CENPF: variants seen among roughly 807,000 people sequenced by gnomAD.
The protein encoded by CENPF is centromere protein F.
Under a neutral mutation model 307.3 loss-of-function variants are expected in CENPF, and 214 were observed. The observed-to-expected ratio is 0.70, with a 90% confidence interval of 0.62 to 0.78. CENPF has a LOEUF of 0.78. Ranked by LOEUF, CENPF falls within the 30% of genes least tolerant of loss-of-function variation. The pLI, the probability that CENPF is intolerant of heterozygous loss-of-function variation, is 0.00. For synonymous variants in CENPF, 1,259 were observed against 1,270.6 expected (o/e 0.99, Z 0.19); for missense variants, 3,401 against 3,483.9 (o/e 0.98, Z 0.60).
intron 1 of CENPF, among the ~76,000 whole-genome samples, chr1:214,603,989 C>T (rs1445576438): frequency 6.6e-6 from 1 of 152,070 alleles, no homozygotes; most frequent in Non-Finnish European, 1.5e-5. Flanking sequence ...TTTGAACGCG[C>T]CTGTGTGCCC....
In CENPF at chr1:214,640,477, A is replaced by C; in HGVS notation, c.2139A>C (p.Lys713Asn). The change falls in exon 12 of 20, where the codon AAA (lysine) becomes AAC (asparagine). Residue 713 changes from lysine to asparagine, a missense_variant. Coordinates refer to ENST00000366955, the MANE Select transcript of CENPF (RefSeq NM_016343.4). ...LQQKAEFSDQ[K>N]HQKEIENMCL... ...AGAAAGCTGAGTTCTCAGATCAGAA[A>C]CATCAGAAGGAAATAGAAAATATGT... is the stretch of plus-strand genomic sequence containing the variant. 6.2e-7 allele frequency: 1 copy of C among 1,614,108 alleles called. No individual in the cohort carries two copies. The highest frequency in any genetic ancestry group is 2.2e-5 in the East Asian group (1 of 44,872).
Position 214,647,182 on chromosome 1 carries a change from G to C in CENPF, c.7612G>C (p.Val2538Leu), listed in dbSNP as rs750934379. ...KNQIQDQEQL[V>L]SKLSQVEGEH... ...TCAAATTCAAGACCAAGAGCAGCTT[G>C]TCTCTAAACTGTCCCAGGTGGAAGG... is the stretch of plus-strand genomic sequence containing the variant. The change falls in exon 13 of 20, where the codon GTC becomes CTC. Residue 2538 changes from valine (V) to leucine (L), a missense_variant. By Grantham distance (32) the Val-to-Leu change is conservative. Coordinates refer to ENST00000366955, the MANE Select transcript of CENPF (RefSeq NM_016343.4). The C allele has an allele frequency of 6.2e-7, 1 of 1,614,096 alleles. No individual in the cohort carries two copies. The highest frequency in any genetic ancestry group is 2.2e-5 in the East Asian group (1 of 44,864).
chr1:214,622,404 A>T (rs1657532963), intron 7 of CENPF, 123 bp downstream of exon 7: 1 of 826,022 alleles, frequency 1.2e-6, no homozygotes. Context: ...TATATTAGGT[A>T]CTCTTGATGC....
chr1:214,647,913 C>T (rs972409397), intron 13 of CENPF: 35 of 439,210 alleles, frequency 8.0e-5, no homozygotes, highest in East Asian at 2.4e-4. Flanking sequence ...TTGGGGATTT[C>T]GTGCTTTCAG....
intron 1 of CENPF, chr1:214,605,681 G>A (rs1657006065): frequency 6.3e-7 from 1 of 1,586,854 alleles, no homozygotes; most frequent in Non-Finnish European, 8.5e-7. Context: ...GCCGCTAGGC[G>A]AGCTGGCTGG....
rs373190310 is a variant in CENPF, at chr1:214,641,278, G to A, written c.2940G>A (p.Lys980=). ...EELTQENGTL[K]EINASLNQEK... ...TGACCCAAGAGAATGGGACTCTTAA[G>A]GAAATTAATGCATCCTTAAATCAAG... is the stretch of plus-strand genomic sequence containing the variant. Residue 980 remains lysine (K), a synonymous_variant, in exon 12 of 20, where the codon AAG becomes AAA. Coordinates refer to ENST00000366955, the MANE Select transcript of CENPF (RefSeq NM_016343.4). The A allele has an allele frequency of 4.4e-6, 7 of 1,604,138 alleles. No individual in the cohort carries two copies. Among genetic ancestry groups the A allele is most frequent in the Non-Finnish European group, 5.1e-6 (6 of 1,177,698 alleles).
Position 214,647,081 on chromosome 1 carries a change from A to T in CENPF, c.7511A>T (p.Asn2504Ile). The T allele has an allele frequency of 6.2e-7, 1 of 1,614,056 alleles. No individual in the cohort carries two copies. The highest frequency in any genetic ancestry group is 2.2e-5 in the East Asian group (1 of 44,858). ...TATATTGTTTTGCAATCTTCAGTGA[A>T]TGGCCTCATTCAAGAAGTAGAAGAT... ...NNYIVLQSSV[N>I]GLIQEVEDGK... The change falls in exon 13 of 20, where the codon AAT becomes ATT. Residue 2504 changes from asparagine (N) to isoleucine (I), a missense_variant. Physicochemically the swap from Asn to Ile is moderately radical, Grantham distance 149. Transcript: ENST00000366955.
Position 214,608,423 on chromosome 1 carries a change from A to G in CENPF, c.-42+5102A>G, listed in dbSNP as rs551123181. On this transcript the variant is annotated intron_variant, in intron 1 of 19. Coordinates refer to ENST00000366955, the MANE Select transcript of CENPF (RefSeq NM_016343.4). ...GAGTAGTCGTAGGAGAAGATGTTGC[A>G]ATGGAGGCGGGAGCCCAGGCCAATG... 145 of 1,613,554 alleles carry G rather than the reference A, an allele frequency of 9.0e-5. No individual in the cohort carries two copies. The African/African-American group carries it at 1.5e-3, about 16-fold the overall frequency.
In CENPF at chr1:214,646,642, G is replaced by C; in HGVS notation, c.7072G>C (p.Glu2358Gln). Residue 2358 changes from glutamate (E) to glutamine (Q), a missense_variant, in exon 13 of 20, where the codon GAG becomes CAG. By Grantham distance (29) the Glu-to-Gln change is conservative. Transcript: ENST00000366955. ...GACAAACCAAGAGCATGCAGCTCTT[G>C]AGGCAGAGAATTCCAAAGGAGAGGT... ...ARTNQEHAAL[E>Q]AENSKGEVET... The C allele has an allele frequency of 6.2e-7, 1 of 1,614,058 alleles. No individual in the cohort carries two copies. The highest frequency in any genetic ancestry group is 8.5e-7 in the Non-Finnish European group (1 of 1,179,994).
intron 5 of CENPF, among the ~76,000 whole-genome samples, chr1:214,619,589 C>T (rs1170388047): frequency 1.3e-5 from 2 of 152,134 alleles, no homozygotes; most frequent in Admixed American, 1.3e-4. Flanking sequence ...CCTATATAGT[C>T]CTTTTGATCT....
intron 14 of CENPF, among the ~76,000 whole-genome samples, chr1:214,650,110 A>AATTTAGATAGGGTGGTCAGCAG (rs1208430409): frequency 9.9e-5 from 15 of 152,174 alleles, no homozygotes; most frequent in Admixed American, 2.6e-4. Context: ...GAAACAACCT[A>AATTTAGATAGGGTGGTCAGCAG]ATTTAGATAG....
chr1:214,632,721 A>T, intron 10 of CENPF, 119 bp downstream of exon 10: 1 of 1,183,458 alleles, frequency 8.4e-7, no homozygotes, highest in Non-Finnish European at 1.2e-6. Context: ...TTTCTTTTCT[A>T]TTCACCAGAA....
At chr1:214,609,332 G>A (rs1046251409) in intron 1 of CENPF, among the ~76,000 whole-genome samples, 5 of 152,124 alleles carry the variant, frequency 3.3e-5, no homozygotes, top group African/African-American at 1.2e-4. Flanking sequence ...CTTCATTCAT[G>A]CATGCATTCA....
chr1:214,623,517 C>T (rs557429958), intron 7 of CENPF, among the ~76,000 whole-genome samples: 6 of 152,014 alleles, frequency 3.9e-5, no homozygotes, highest in Non-Finnish European at 7.4e-5. Context: ...AAGACTCCAA[C>T]GGAGGCCAAG....
chr1:214,620,816 C>T lies in CENPF; in HGVS notation c.735C>T (p.Tyr245=). The change falls in exon 6 of 20, where the codon TAC becomes TAT. Residue 245 remains tyrosine, a synonymous_variant. Coordinates refer to ENST00000366955, the MANE Select transcript of CENPF (RefSeq NM_016343.4). ...TTAGGAGAGATTTCTCTGCATCTTA[C>T]TTTTCTGGGGAACAAGAGGTGACTC... The part of the protein sequence containing the change: ...TPIRRDFSAS[Y]FSGEQEVTPS... 6.2e-7 allele frequency: 1 copy of T among 1,614,190 alleles called. No individual in the cohort carries two copies. Among genetic ancestry groups the T allele is most frequent in the Non-Finnish European group, 8.5e-7 (1 of 1,180,038 alleles).
intron 3 of CENPF, 116 bp from the exon 4 acceptor site, chr1:214,618,457 A>G (rs1480906814): frequency 1.6e-6 from 2 of 1,253,792 alleles, no homozygotes; most frequent in African/African-American, 1.5e-5. Context: ...ATGGTTAAGA[A>G]TTCTTAGTGG....
Position 214,608,694 on chromosome 1 carries a change from C to T in CENPF, c.-41-5020C>T, listed in dbSNP as rs1657108775. ...CCCGCAGGGTCCCCAAGGGGGCGGC[C>T]CCGGCCCCACCAGGCCCCGGCTCGG... On this transcript the variant is annotated intron_variant, in intron 1 of 19. Coordinates refer to ENST00000366955, the MANE Select transcript of CENPF (RefSeq NM_016343.4). The T allele has an allele frequency of 1.9e-6, 3 of 1,594,632 alleles. No homozygotes were observed. In the African/African-American group the frequency reaches 4.0e-5, roughly 21 times the overall value.
At chr1:214,638,080 A>T in intron 11 of CENPF, 79 bp downstream of exon 11, 2 of 1,381,538 alleles carry the variant, frequency 1.4e-6, no homozygotes, top group South Asian at 1.5e-5. Context: ...TTAACATATT[A>T]GAGAAACTCT....
chr1:214,622,702 GGATT>G (rs1279645460), intron 7 of CENPF, among the ~76,000 whole-genome samples: 2,380 of 150,588 alleles, frequency 0.016, 279 homozygotes, highest in African/African-American at 0.055. Context: ...CTGCATTCAT[GGATT>G]CAACCAACTA....
Sources: allele counts gnomAD v4.1 joint callset (sites outside exome capture counted in the v4.1 genomes callset), GRCh38; gene constraint gnomAD v4.1.1; transcripts MANE v1.5; gene names NCBI Gene and HGNC (gene_info 2026-07-23, HGNC 2026-07-21).